The following PDS5B variants were observed in gnomAD, a reference collection of about 807,000 sequenced individuals.
PDS5B encodes the protein sister chromatid cohesion protein PDS5 homolog B.
Under a neutral mutation model 184.1 loss-of-function variants are expected in PDS5B, and 51 were observed. The observed-to-expected ratio is 0.28, with a 90% confidence interval of 0.22 to 0.35. The LOEUF is 0.35. Among genes scored for constraint, PDS5B ranks in the 10% least tolerant of loss-of-function variants. PDS5B has a pLI of 1.00. For synonymous variants in PDS5B, 566 were observed against 569.2 expected (o/e 0.99, Z 0.08); for missense variants, 1,180 against 1,723.3 (o/e 0.68, Z 5.58).
intron 19 of PDS5B, among the ~76,000 whole-genome samples, chr13:32,719,631 T>A (rs1952599531): frequency 6.6e-6 from 1 of 152,136 alleles, no homozygotes; most frequent in Non-Finnish European, 1.5e-5. Context: ...ACAGGCTAAG[T>A]CTCTCTGCCC....
At chr13:32,650,297 T>G (rs1457986267) in intron 2 of PDS5B, 1 of 152,234 alleles carries the variant, frequency 6.6e-6, no homozygotes, top group Non-Finnish European at 1.5e-5. Flanking sequence ...TAGACATTTA[T>G]GTCTAGCAGT....
At position 32,775,101 on chromosome 13, in the gene PDS5B, T is replaced by TTTTTTTTTC; in HGVS notation, c.*57_*58insCTTTTTTTT. On this transcript the variant is annotated 3_prime_UTR_variant, in exon 35 of 35. Transcript: ENST00000315596. Reference sequence around the variant, plus strand: ...CTGTGAAAGCTTTGGAAAAATCTTTTTTTTTTTTTTTGGTCAAGCTTGAGG... The same window carrying TTTTTTTTTC: ...CTGTGAAAGCTTTGGAAAAATCTTTTTTTTTTTTCTTTTTTTTTTTGGTCAAGCTTGAGG... 1 of 1,506,796 alleles carries TTTTTTTTTC rather than the reference T, an allele frequency of 6.6e-7. No individual in the cohort carries two copies. Among genetic ancestry groups the TTTTTTTTTC allele is most frequent in the East Asian group, 2.3e-5 (1 of 43,408 alleles). The allele number at this position is 1,506,796 out of a possible 1,614,324, so 93.3% of individuals were successfully genotyped here.
intron 14 of PDS5B, among the ~76,000 whole-genome samples, 156 bp downstream of exon 14, chr13:32,694,460 A>T (rs1046969579): frequency 6.6e-6 from 1 of 151,958 alleles, no homozygotes; most frequent in African/African-American, 2.4e-5. Context: ...AATTTTTAAG[A>T]AACTTATTAG....
At chr13:32,769,756 A>G (rs1370048747) in intron 31 of PDS5B, among the ~76,000 whole-genome samples, 2 of 152,196 alleles carry the variant, frequency 1.3e-5, no homozygotes, top group Admixed American at 6.5e-5. Context: ...TAAATTGACT[A>G]TCCAAACAGA....
intron 17 of PDS5B, among the ~76,000 whole-genome samples, chr13:32,703,708 TAGTC>T (rs1399121255): frequency 6.6e-6 from 1 of 152,204 alleles, no homozygotes; most frequent in African/African-American, 2.4e-5. Flanking sequence ...TCCCCTATAG[TAGTC>T]AGTGAATGTC....
intron 9 of PDS5B, among the ~76,000 whole-genome samples, chr13:32,678,206 CAA>C (rs1566316056): frequency 6.6e-6 from 1 of 152,104 alleles, no homozygotes; most frequent in East Asian, 1.9e-4. Context: ...GGAGGGAAAA[CAA>C]AAGATTTGAG....
chr13:32,741,256 A>G, intron 22 of PDS5B, 108 bp downstream of exon 22: 1 of 624,050 alleles, frequency 1.6e-6, no homozygotes, highest in Non-Finnish European at 2.8e-6. Context: ...TCACTCAAGT[A>G]TTTACATTTA....
chr13:32,655,374 A>ATATATTTTTTTTTTTT, intron 3 of PDS5B, among the ~76,000 whole-genome samples: 3 of 72,484 alleles, frequency 4.1e-5, no homozygotes, highest in African/African-American at 8.3e-5. Flanking sequence ...ATATATATAT[A>ATATATTTTTTTTTTTT]TTTTTTTTTT....
chr13:32,777,351 C>CTTTTTTTTTTTT lies in PDS5B; in HGVS notation c.*2303_*2314dup, dbSNP rs546641613. 16 of 129,570 alleles carry CTTTTTTTTTTTT rather than the reference C, an allele frequency of 1.2e-4. No individual in the cohort carries two copies. Among genetic ancestry groups the CTTTTTTTTTTTT allele is most frequent in the African/African-American group, 1.7e-4 (6 of 35,252 alleles). The allele number at this position is 129,570 out of a possible 1,614,324, so 8.0% of individuals were successfully genotyped here. A position where few individuals can be genotyped will look rare whatever the true frequency, so the allele number is the denominator to read the frequency against. On this transcript the variant is annotated 3_prime_UTR_variant, in exon 35 of 35. Coordinates refer to ENST00000315596, the MANE Select transcript of PDS5B (RefSeq NM_015032.4). ...ATGTAAATTTTTCTTTTCTTTCTTT[C>CTTTTTTTTTTTT]TTTTTTTTTTTTTTTGTGTAGAAAA... is the stretch of plus-strand genomic sequence containing the variant.
chr13:32,643,419 T>C (rs926757793), intron 1 of PDS5B, among the ~76,000 whole-genome samples: 5 of 152,138 alleles, frequency 3.3e-5, no homozygotes, highest in African/African-American at 1.2e-4. Context: ...GTGTGAAATA[T>C]AGGTACAGTG....
At position 32,755,976 on chromosome 13, in the gene PDS5B, A is replaced by G. The variant is rs748784181; in HGVS notation, c.3056+20A>G. The G allele has an allele frequency of 8.8e-7, 1 of 1,135,428 alleles. No individual in the cohort carries two copies. Among genetic ancestry groups the G allele is most frequent in the Non-Finnish European group, 1.3e-6 (1 of 767,098 alleles). 70.3% of individuals were successfully genotyped at this position (1,135,428 alleles called of 1,614,324 possible). On this transcript the variant is annotated intron_variant, in intron 26 of 34. Coordinates refer to ENST00000315596, the MANE Select transcript of PDS5B (RefSeq NM_015032.4). Reference sequence around the variant, plus strand: ...TAAAGAGTAAGACTTTTTCCATCCCATTTTCATATTTTCTGAAAGTTATTT... The same window carrying G: ...TAAAGAGTAAGACTTTTTCCATCCCGTTTTCATATTTTCTGAAAGTTATTT...
At chr13:32,602,089 C>T (rs574831457) in intron 1 of PDS5B, among the ~76,000 whole-genome samples, 7 of 150,666 alleles carry the variant, frequency 4.6e-5, no homozygotes, top group Admixed American at 6.6e-5. Flanking sequence ...TTTTTAAATC[C>T]TTGTCTTTTT....
chr13:32,692,160 C>A (rs775888267), intron 13 of PDS5B, among the ~76,000 whole-genome samples: 1 of 152,006 alleles, frequency 6.6e-6, no homozygotes, highest in African/African-American at 2.4e-5. Flanking sequence ...GTTGAAAGAG[C>A]CATATATTTT....
At chr13:32,661,404 A>C (rs887844298) in intron 6 of PDS5B, among the ~76,000 whole-genome samples, 2 of 149,530 alleles carry the variant, frequency 1.3e-5, no homozygotes, top group Non-Finnish European at 3.0e-5. Flanking sequence ...AAAAAAAAAA[A>C]AAAAAACAGA....
intron 19 of PDS5B, among the ~76,000 whole-genome samples, chr13:32,710,869 T>C (rs1452548485): frequency 6.6e-6 from 1 of 152,238 alleles, no homozygotes; most frequent in Non-Finnish European, 1.5e-5. Context: ...AGAAAGAGAC[T>C]GGGAGTAAAG....
intron 6 of PDS5B, among the ~76,000 whole-genome samples, chr13:32,659,615 T>C (rs1205269394): frequency 6.6e-6 from 1 of 152,136 alleles, no homozygotes; most frequent in Non-Finnish European, 1.5e-5. Flanking sequence ...AACTAAAAGA[T>C]AGTGATAATG....
At chr13:32,621,338 C>G (rs1240478929) in intron 1 of PDS5B, among the ~76,000 whole-genome samples, 1 of 152,084 alleles carries the variant, frequency 6.6e-6, no homozygotes, top group Non-Finnish European at 1.5e-5. Flanking sequence ...GTGGTGTGTT[C>G]CTGTAGCAAT....
chr13:32,750,273 TAGTC>T (rs929154738), intron 24 of PDS5B, among the ~76,000 whole-genome samples: 1 of 152,190 alleles, frequency 6.6e-6, no homozygotes, highest in African/African-American at 2.4e-5. Context: ...CCTGAATGAT[TAGTC>T]AGAGAGGGAC....
At chr13:32,759,739 G>C in intron 29 of PDS5B, 49 bp downstream of exon 29, 1 of 835,802 alleles carries the variant, frequency 1.2e-6, no homozygotes, top group Non-Finnish European at 1.9e-6. Context: ...TTATTTTAGA[G>C]TGATTATTGG....
Sources: gnomAD v4.1 joint callset for allele counts (sites outside exome capture counted in the v4.1 genomes callset) on GRCh38, gnomAD v4.1.1 for gene constraint, MANE v1.5 for transcripts, NCBI Gene and HGNC (gene_info 2026-07-23, HGNC 2026-07-21) for gene names.